DYNC1I1: variants seen among roughly 807,000 people sequenced by gnomAD.
DYNC1I1 encodes cytoplasmic dynein 1 intermediate chain 1.
In DYNC1I1, 43 loss-of-function variants were observed where a neutral mutation model predicts 86.6. The ratio of observed to expected loss-of-function variants is 0.50; its 90% CI spans 0.39 to 0.64. DYNC1I1 has a LOEUF of 0.64. DYNC1I1 is among the 30% of genes least tolerant of loss of function. DYNC1I1 has a pLI of 0.00. For missense variants in DYNC1I1, 604 were observed against 788.8 expected (o/e 0.77, Z 2.81); for synonymous variants, 262 against 283.7 (o/e 0.92, Z 0.77).
chr7:96,016,073 G>GTTTCTACTGTTTCTT (rs1794394474), intron 10 of DYNC1I1, among the ~76,000 whole-genome samples: 1 of 152,016 alleles, frequency 6.6e-6, no homozygotes, highest in South Asian at 2.1e-4. Flanking sequence ...TCTACCTTTG[G>GTTTCTACTGTTTCTT]CCTCATTGCT....
At chr7:96,103,214 T>C (rs1326831168), downstream of DYNC1I1, among the ~76,000 whole-genome samples, 1 of 152,196 alleles carries the variant, frequency 6.6e-6, no homozygotes, top group Non-Finnish European at 1.5e-5. Flanking sequence ...TTAGTTCAGT[T>C]TGTGGGTACA....
intron 6 of DYNC1I1, among the ~76,000 whole-genome samples, chr7:95,908,145 C>G (rs1347938922): frequency 6.6e-6 from 1 of 152,012 alleles, no homozygotes; most frequent in African/African-American, 2.4e-5. Context: ...GTTAAACAAC[C>G]ACGGGAGGAG....
At chr7:95,940,565 T>G (rs2116443065) in intron 6 of DYNC1I1, among the ~76,000 whole-genome samples, 1 of 152,346 alleles carries the variant, frequency 6.6e-6, no homozygotes, top group South Asian at 2.1e-4. Flanking sequence ...CCATCACTGA[T>G]ACCCTTTCTT....
Position 95,967,623 on chromosome 7 carries a change from C to T in DYNC1I1, c.491-9889C>T, listed in dbSNP as rs184534577. 2.6e-5 allele frequency among the ~76,000 whole-genome samples: 4 copies of T among 152,302 alleles called. No homozygotes were observed. In the East Asian group the frequency reaches 7.7e-4, roughly 29 times the overall value. On this transcript the variant is annotated intron_variant, in intron 6 of 16. Transcript: ENST00000447467. Reference sequence around the variant, plus strand: ...GTTTTTGTTGTTAGTGATTGCAGCTCTCTAACCTGCCATATACTTCAACTG... The same window carrying T: ...GTTTTTGTTGTTAGTGATTGCAGCTTTCTAACCTGCCATATACTTCAACTG...
At chr7:95,789,865 T>C (rs930906001) in intron 1 of DYNC1I1, among the ~76,000 whole-genome samples, 1 of 152,220 alleles carries the variant, frequency 6.6e-6, no homozygotes, top group African/African-American at 2.4e-5. Flanking sequence ...TTATAAATAA[T>C]ATGTGTATGT....
chr7:95,816,254 T>C (rs920124415), intron 4 of DYNC1I1, among the ~76,000 whole-genome samples: 1 of 152,180 alleles, frequency 6.6e-6, no homozygotes, highest in Non-Finnish European at 1.5e-5. Flanking sequence ...ACTCCTGGCC[T>C]TAAGCAATCC....
In DYNC1I1 at chr7:95,984,984, C is replaced by T; in HGVS notation, c.743+7C>T. The T allele has an allele frequency of 6.2e-7, 1 of 1,609,906 alleles. No homozygotes were observed. Among genetic ancestry groups the T allele is most frequent in the Non-Finnish European group, 8.5e-7 (1 of 1,178,830 alleles). ...AGTTAGAGGAAAAAGATGGGTTAGTCTCTTGTGTGCATTCTTTAAAAAATA... is the reference window on the plus strand; with the variant it reads ...AGTTAGAGGAAAAAGATGGGTTAGTTTCTTGTGTGCATTCTTTAAAAAATA... On this transcript the variant is annotated splice_region_variant and intron_variant, in intron 8 of 16. Coordinates refer to ENST00000447467, the MANE Select transcript of DYNC1I1 (RefSeq NM_001135556.2).
intron 6 of DYNC1I1, among the ~76,000 whole-genome samples, chr7:95,908,928 G>A: frequency 6.6e-6 from 1 of 151,906 alleles, no homozygotes; most frequent in South Asian, 2.1e-4. Flanking sequence ...TGCATTACAA[G>A]CCAGGGAGTA....
At chr7:95,893,985 C>G (rs1342898106) in intron 6 of DYNC1I1, among the ~76,000 whole-genome samples, 1 of 152,064 alleles carries the variant, frequency 6.6e-6, no homozygotes, top group Non-Finnish European at 1.5e-5. Context: ...AGTGGATAAC[C>G]CTTTCCCAAA....
At chr7:96,093,307 T>C (rs1319266634) in intron 16 of DYNC1I1, among the ~76,000 whole-genome samples, 2 of 152,170 alleles carry the variant, frequency 1.3e-5, no homozygotes, top group African/African-American at 4.8e-5. Flanking sequence ...TATTTTACAA[T>C]TGAGGCAGTG....
At chr7:96,019,578 T>C (rs1417560662) in intron 10 of DYNC1I1, among the ~76,000 whole-genome samples, 1 of 152,078 alleles carries the variant, frequency 6.6e-6, no homozygotes, top group Non-Finnish European at 1.5e-5. Flanking sequence ...TAGTACTGAT[T>C]TAGAAAATAG....
intron 5 of DYNC1I1, among the ~76,000 whole-genome samples, chr7:95,846,483 T>C (rs777408051): frequency 1.4e-4 from 22 of 152,212 alleles, no homozygotes; most frequent in Non-Finnish European, 2.8e-4. Flanking sequence ...AAATAAATAC[T>C]TCCTAAAATG....
At chr7:95,836,180 T>A (rs1789083505) in intron 5 of DYNC1I1, among the ~76,000 whole-genome samples, 1 of 151,988 alleles carries the variant, frequency 6.6e-6, no homozygotes, top group South Asian at 2.1e-4. Context: ...GGTGACAAAA[T>A]CTCTCAGCAT....
intron 1 of DYNC1I1, among the ~76,000 whole-genome samples, chr7:95,789,108 G>A (rs1290850459): frequency 6.6e-6 from 1 of 152,124 alleles, no homozygotes; most frequent in Non-Finnish European, 1.5e-5. Context: ...GTATCAGAAG[G>A]GTTTAAGCCT....
chr7:95,950,616 G>T (rs183277527), intron 6 of DYNC1I1, among the ~76,000 whole-genome samples: 19 of 152,254 alleles, frequency 1.2e-4, no homozygotes, highest in Admixed American at 1.1e-3. Flanking sequence ...AACTCTCATG[G>T]CAGAATTCGG....
intron 6 of DYNC1I1, among the ~76,000 whole-genome samples, chr7:95,951,749 GTTGTA>G (rs1792564652): frequency 6.6e-6 from 1 of 152,158 alleles, no homozygotes; most frequent in Admixed American, 6.5e-5. Flanking sequence ...TTTTCTCTGT[GTTGTA>G]TTCATGCAGC....
At chr7:95,988,101 G>A (rs1186289678) in intron 9 of DYNC1I1, among the ~76,000 whole-genome samples, 1 of 152,180 alleles carries the variant, frequency 6.6e-6, no homozygotes, top group Non-Finnish European at 1.5e-5. Context: ...ACTCGGCTGC[G>A]TGAGGTGGCT....
At chr7:95,906,094 CT>C (rs1455825437) in intron 6 of DYNC1I1, among the ~76,000 whole-genome samples, 1 of 152,112 alleles carries the variant, frequency 6.6e-6, no homozygotes, top group African/African-American at 2.4e-5. Flanking sequence ...TTCAAGTTTT[CT>C]GATAGACATG....
intron 10 of DYNC1I1, among the ~76,000 whole-genome samples, chr7:96,001,833 C>T (rs1469292774): frequency 6.6e-6 from 1 of 151,946 alleles, no homozygotes; most frequent in Non-Finnish European, 1.5e-5. Context: ...AGGGTGGGGG[C>T]TTCAACATAT....
Sources: allele counts gnomAD v4.1 joint callset (sites outside exome capture counted in the v4.1 genomes callset), GRCh38; gene constraint gnomAD v4.1.1; transcripts MANE v1.5; gene names NCBI Gene and HGNC (gene_info 2026-07-23, HGNC 2026-07-21).